The following IDH1 variants were observed in gnomAD, a reference collection of about 807,000 sequenced individuals.
IDH1 encodes the protein isocitrate dehydrogenase (NADP(+)) 1.
A neutral mutation model predicts 46.1 loss-of-function variants in IDH1; 33 were observed. That is an observed-to-expected ratio of 0.72 (90% CI 0.54 to 0.96). IDH1 has a LOEUF of 0.96. Ranked by LOEUF, IDH1 falls within the 40% of genes least tolerant of loss-of-function variation. The probability of loss-of-function intolerance (pLI) is 0.00; values close to 1 mark genes in which losing one functional copy is unlikely to be tolerated. For missense variants in IDH1, 421 were observed against 515.7 expected, an observed-to-expected ratio of 0.82 and a Z score of 1.78; for synonymous variants, 144 against 172.8, an observed-to-expected ratio of 0.83 and a Z score of 1.31.
chr2:208,252,424 G>A (rs756881113), intron 2 of IDH1, among the ~76,000 whole-genome samples: 5 of 152,258 alleles, frequency 3.3e-5, no homozygotes, highest in Admixed American at 1.3e-4. Flanking sequence ...GGGTGTGGGG[G>A]TAGCATATAC....
At chr2:208,248,703 G>C (rs2124864303) in intron 3 of IDH1, 43 bp from the exon 4 acceptor site, 1 of 1,560,104 alleles carries the variant, frequency 6.4e-7, no homozygotes, top group African/African-American at 1.4e-5. Context: ...CAGACAAATG[G>C]ATAGTTATAA....
chr2:208,242,304 C>G (rs1198055977), intron 6 of IDH1, among the ~76,000 whole-genome samples, 159 bp from the exon 7 acceptor site: 1 of 152,140 alleles, frequency 6.6e-6, no homozygotes, highest in Non-Finnish European at 1.5e-5. Flanking sequence ...GGCTCAAATC[C>G]TAGCCCAATC....
chr2:208,243,898 CAGAAATACATTTA>C (rs778208382), intron 5 of IDH1, among the ~76,000 whole-genome samples: 6 of 152,162 alleles, frequency 3.9e-5, no homozygotes, highest in Non-Finnish European at 8.8e-5. Flanking sequence ...TGATATGAAC[CAGAAATACATTTA>C]AGAAAAGGCA....
Position 208,243,421 on chromosome 2 carries a change from A to G in IDH1, c.698+6T>C, listed in dbSNP as rs766541984. 1 of 1,600,958 alleles carries G rather than the reference A, an allele frequency of 6.2e-7. No homozygotes were observed. ...AAAGAAAAAGTTAAAAAAGAACTAT[A>G]GTTACTTGTCATATATCTCCTGAAA... On this transcript the variant is annotated splice_donor_region_variant and intron_variant, in intron 6 of 9. Transcript: ENST00000345146.
chr2:208,236,684 A>G lies in IDH1; in HGVS notation c.*395T>C, dbSNP rs1325029408. Reference sequence around the variant, plus strand: ...AACTTCCCTGTGCCCAAGGTCATGGACAGGAGGGGAAGGCAGTGAATTTCT... The same window carrying G: ...AACTTCCCTGTGCCCAAGGTCATGGGCAGGAGGGGAAGGCAGTGAATTTCT... On this transcript the variant is annotated 3_prime_UTR_variant, in exon 10 of 10. Transcript: ENST00000345146. 1 of 292,890 alleles carries G rather than the reference A, an allele frequency of 3.4e-6. No individual in the cohort carries two copies. Among genetic ancestry groups the G allele is most frequent in the African/African-American group, 2.2e-5 (1 of 46,120 alleles). 18.1% of individuals were successfully genotyped at this position (292,890 alleles called of 1,614,324 possible). A position where few individuals can be genotyped will look rare whatever the true frequency, so the allele number is the denominator to read the frequency against.
At chr2:208,251,662 T>A in intron 2 of IDH1, 95 bp from the exon 3 acceptor site, 2 of 955,548 alleles carry the variant, frequency 2.1e-6, no homozygotes, top group Non-Finnish European at 3.2e-6. Flanking sequence ...ACGTAGTGAC[T>A]ACTAAAAGAA....
rs1559359775 is a variant in IDH1, at chr2:208,242,036, T to C, written c.808A>G (p.Lys270Glu). The change falls in exon 7 of 10, where the codon AAA becomes GAA. Residue 270 changes from lysine (K) to glutamate (E), a missense_variant. Coordinates refer to ENST00000345146, the MANE Select transcript of IDH1 (RefSeq NM_005896.4). ...KSEGGFIWAC[K>E]NYDGDVQSDS... is the part of the protein sequence containing the mutation. ...GACTGCACGTCACCATCATAGTTTTTACAGGCCCAGATGAAGCCTCCCTCT... is the reference window on the plus strand; with the variant it reads ...GACTGCACGTCACCATCATAGTTTTCACAGGCCCAGATGAAGCCTCCCTCT... 1 of 1,612,940 alleles carries C rather than the reference T, an allele frequency of 6.2e-7. No homozygotes were observed. The highest frequency in any genetic ancestry group is 8.5e-7 in the Non-Finnish European group (1 of 1,179,858).
chr2:208,241,387 TA>T (rs1250441263), intron 7 of IDH1, among the ~76,000 whole-genome samples: 2 of 91,216 alleles, frequency 2.2e-5, no homozygotes, highest in Non-Finnish European at 4.2e-5. Flanking sequence ...CACACCTGGC[TA>T]ATTTTTTTTT....
chr2:208,241,686 T>C (rs1444860735), intron 7 of IDH1, among the ~76,000 whole-genome samples: 2 of 152,058 alleles, frequency 1.3e-5, no homozygotes, highest in East Asian at 3.8e-4. Context: ...TGCCCTGGTT[T>C]TTTACATTTT....
rs576632204 is a variant in IDH1 at position 208,236,403 on chromosome 2, T to C, written c.*676A>G. ...CTTGGATGAAATATGCTATTTAGAG[T>C]AGTATAATATTCAGGCCAGGCCAGG... On this transcript the variant is annotated 3_prime_UTR_variant, in exon 10 of 10. Coordinates refer to ENST00000345146, the MANE Select transcript of IDH1 (RefSeq NM_005896.4). The C allele has an allele frequency of 8.7e-6, 2 of 230,694 alleles. No individual in the cohort carries two copies. The highest frequency in any genetic ancestry group is 6.2e-5 in the East Asian group (1 of 16,128). The allele number at this position is 230,694 out of a possible 1,614,324, so 14.3% of individuals were successfully genotyped here.
chr2:208,243,318 A>C (rs1687954916), intron 6 of IDH1, 109 bp downstream of exon 6: 1 of 892,624 alleles, frequency 1.1e-6, no homozygotes, highest in Non-Finnish European at 1.8e-6. Flanking sequence ...GACAGTGATG[A>C]TTTTCACTCA....
At chr2:208,251,607 C>A in intron 2 of IDH1, 40 bp from the exon 3 acceptor site, 2 of 1,530,474 alleles carry the variant, frequency 1.3e-6, no homozygotes, top group Non-Finnish European at 1.8e-6. Flanking sequence ...TCATTTATTT[C>A]ATTATAAAGT....
intron 3 of IDH1, 33 bp downstream of exon 3, chr2:208,251,397 T>C (rs2124867862): frequency 6.2e-7 from 1 of 1,611,030 alleles, no homozygotes; most frequent in Non-Finnish European, 8.5e-7. Context: ...TTATCCTTTC[T>C]GAGTTTGCTA....
At chr2:208,248,196 C>T in intron 4 of IDH1, 173 bp downstream of exon 4, 4 of 621,784 alleles carry the variant, frequency 6.4e-6, no homozygotes, top group South Asian at 2.0e-5. Flanking sequence ...TTGTATTTGC[C>T]TTTAGCTAAA....
chr2:208,242,233 A>AC, intron 6 of IDH1, 88 bp from the exon 7 acceptor site: 1 of 1,212,646 alleles, frequency 8.2e-7, no homozygotes. Context: ...AGAAGACCGG[A>AC]CACACAAGAA....
intron 5 of IDH1, 49 bp from the exon 6 acceptor site, chr2:208,243,653 A>G: frequency 6.8e-7 from 1 of 1,478,966 alleles, no homozygotes; most frequent in Non-Finnish European, 9.4e-7. Context: ...GAATAAATGT[A>G]ATGTAGTTGT....
chr2:208,245,781 C>CA (rs1437765311), intron 4 of IDH1, among the ~76,000 whole-genome samples: 2 of 35,218 alleles, frequency 5.7e-5, no homozygotes, highest in East Asian at 1.4e-3. Context: ...GGTATTAGAC[C>CA]CCCCCCCCAA....
intron 4 of IDH1, among the ~76,000 whole-genome samples, chr2:208,247,027 G>A (rs1043669756): frequency 2.0e-5 from 3 of 152,118 alleles, no homozygotes; most frequent in African/African-American, 4.8e-5. Flanking sequence ...CAAGATTAGC[G>A]AGTTTGCACC....
At chr2:208,251,328 C>T in intron 3 of IDH1, 102 bp downstream of exon 3, 1 of 1,246,836 alleles carries the variant, frequency 8.0e-7, no homozygotes, top group Non-Finnish European at 1.2e-6. Flanking sequence ...GAGGGATCCT[C>T]CTGCCTCTGC....
Sources: gnomAD v4.1 joint callset for allele counts (sites outside exome capture counted in the v4.1 genomes callset) on GRCh38, gnomAD v4.1.1 for gene constraint, MANE v1.5 for transcripts, NCBI Gene and HGNC (gene_info 2026-07-23, HGNC 2026-07-21) for gene names.